The following ABCF2 variants were observed in gnomAD, a reference collection of about 807,000 sequenced individuals.
ABCF2 encodes the protein ATP binding cassette subfamily F member 2.
Under a neutral mutation model 76.9 loss-of-function variants are expected in ABCF2, and 37 were observed. The observed-to-expected ratio is 0.48, with a 90% CI of 0.37 to 0.63. ABCF2 has a LOEUF of 0.63. Ranked by LOEUF, ABCF2 falls within the 30% of genes least tolerant of loss-of-function variation. The probability of loss-of-function intolerance (pLI) is 0.00; values close to 1 mark genes in which losing one functional copy is unlikely to be tolerated. For missense variants in ABCF2, 524 were observed against 782.1 expected (o/e 0.67, Z 3.94); for synonymous variants, 299 against 283.7 (o/e 1.05, Z -0.54).
chr7:151,213,415 C>T lies in ABCF2; in HGVS notation c.*639G>A, dbSNP rs1802086948. 4.1e-6 allele frequency: 4 copies of T among 985,298 alleles called. No individual in the cohort carries two copies. Among genetic ancestry groups the T allele is most frequent in the Non-Finnish European group, 4.8e-6 (4 of 829,928 alleles). 61.0% of individuals were successfully genotyped at this position (985,298 alleles called of 1,614,324 possible). A position where few individuals can be genotyped will look rare whatever the true frequency, so the allele number is the denominator to read the frequency against. On this transcript the variant is annotated 3_prime_UTR_variant, in exon 15 of 15. Coordinates refer to ENST00000287844, the MANE Select transcript of ABCF2 (RefSeq NM_007189.3). ...GACTAGTCTTCAGTTCCCATCGACACACTGACGCTGGATCCAGCTCCTGCT... is the reference window on the plus strand; with the variant it reads ...GACTAGTCTTCAGTTCCCATCGACATACTGACGCTGGATCCAGCTCCTGCT...
At chr7:151,217,505 A>G (rs1802174235) in intron 11 of ABCF2, among the ~76,000 whole-genome samples, 1 of 152,236 alleles carries the variant, frequency 6.6e-6, no homozygotes, top group African/African-American at 2.4e-5. Flanking sequence ...GCTCTGATTG[A>G]AAATAGAAAC....
At chr7:151,217,656 T>C (rs1346290366) in intron 11 of ABCF2, among the ~76,000 whole-genome samples, 1 of 151,880 alleles carries the variant, frequency 6.6e-6, no homozygotes, top group Non-Finnish European at 1.5e-5. Context: ...AAAAATTAGC[T>C]GTGGCGTGTG....
In ABCF2 at chr7:151,215,570, A is replaced by T. The variant is rs775046442; in HGVS notation, c.1530+34T>A. Reference sequence around the variant, plus strand: ...CCCACCCAGCCACAGTCTGCCAGCTATCTGGCATCCTCACCACACCCTCCT... The same window carrying T: ...CCCACCCAGCCACAGTCTGCCAGCTTTCTGGCATCCTCACCACACCCTCCT... On this transcript the variant is annotated intron_variant, in intron 13 of 14. Coordinates refer to ENST00000287844, the MANE Select transcript of ABCF2 (RefSeq NM_007189.3). This position sits in a 1 kb window ranked among gnomAD's most constrained non-coding sequence, Gnocchi z 4.6. The T allele has an allele frequency of 1.9e-6, 3 of 1,612,174 alleles. No individual in the cohort carries two copies. Among genetic ancestry groups the T allele is most frequent in the Non-Finnish European group, 2.5e-6 (3 of 1,179,004 alleles).
chr7:151,218,253 A>G, intron 10 of ABCF2, 62 bp from the exon 11 acceptor site: 1 of 1,191,104 alleles, frequency 8.4e-7, no homozygotes, highest in Non-Finnish European at 1.2e-6. Flanking sequence ...TATGACCAGC[A>G]GACCAAGCCC....
intron 7 of ABCF2, among the ~76,000 whole-genome samples, chr7:151,219,368 C>G (rs1237884139): frequency 6.6e-6 from 1 of 152,218 alleles, no homozygotes; most frequent in East Asian, 1.9e-4. Flanking sequence ...TCAGCCCAGC[C>G]AGGGCCAGGC....
At chr7:151,220,754 G>A (rs567461821) in intron 7 of ABCF2, among the ~76,000 whole-genome samples, 5 of 152,356 alleles carry the variant, frequency 3.3e-5, no homozygotes, top group Admixed American at 2.6e-4. Flanking sequence ...TTGGGAGGCT[G>A]AGGAGGGCAG....
chr7:151,212,562 G>C lies in ABCF2; in HGVS notation c.*1492C>G. 1.1e-6 allele frequency: 1 copy of C among 929,214 alleles called. No homozygotes were observed. The highest frequency in any genetic ancestry group is 1.3e-6 in the Non-Finnish European group (1 of 778,822). 57.6% of individuals were successfully genotyped at this position (929,214 alleles called of 1,614,324 possible). On this transcript the variant is annotated 3_prime_UTR_variant, in exon 15 of 15. Transcript: ENST00000287844. The stretch of plus-strand genomic sequence containing the variant: ...TCATCAGGCTGGAGTGTAGCGGCAC[G>C]CTCTGCTCACTGCAGCCTCAACCTC...
chr7:151,217,567 G>A (rs369592072), intron 11 of ABCF2, among the ~76,000 whole-genome samples: 1 of 152,146 alleles, frequency 6.6e-6, no homozygotes, highest in Non-Finnish European at 1.5e-5. Context: ...TTGGGAGGCC[G>A]AGGTGGGCAG....
intron 7 of ABCF2, 134 bp from the exon 8 acceptor site, chr7:151,219,293 G>C: frequency 1.3e-6 from 1 of 750,292 alleles, no homozygotes; most frequent in Admixed American, 1.9e-5. Context: ...TAAGAAGAGA[G>C]GACGTGCATT....
At chr7:151,218,981 T>C (rs2150574049) in intron 8 of ABCF2, 83 bp downstream of exon 8, 2 of 1,610,708 alleles carry the variant, frequency 1.2e-6, no homozygotes, top group East Asian at 4.5e-5. Flanking sequence ...CCTCCATCAC[T>C]ACCGCTTCTC....
At position 151,221,356 on chromosome 7, in the gene ABCF2, C is replaced by T. The variant is rs193136446; in HGVS notation, c.921+222G>A. ...CTGGGACTACAGGCACCTGCCACCA[C>T]GCCTGGCTAATTTTTTTGTATTTTT... is the stretch of plus-strand genomic sequence containing the variant. On this transcript the variant is annotated intron_variant, in intron 7 of 14. Coordinates refer to ENST00000287844, the MANE Select transcript of ABCF2 (RefSeq NM_007189.3). Among the ~76,000 whole-genome samples the T allele has an allele frequency of 5.4e-3, 814 of 152,120 alleles. 3 individuals are homozygous for T. The highest frequency in any genetic ancestry group is 0.012 in the South Asian group (60 of 4,804).
Position 151,224,991 on chromosome 7 carries a change from G to A in ABCF2, c.155-3C>T. The A allele has an allele frequency of 1.5e-5, 25 of 1,613,770 alleles. No individual in the cohort carries two copies. The highest frequency in any genetic ancestry group is 1.9e-5 in the Non-Finnish European group (23 of 1,179,986). The stretch of plus-strand genomic sequence containing the variant: ...CTCCTTGGTCAGCAAATCTACTTCT[G>A]CGGATAGAAAAGCAGTTTGGGAAGA... On this transcript the variant is annotated splice_region_variant and splice_polypyrimidine_tract_variant and intron_variant, in intron 2 of 14. Transcript: ENST00000287844.
chr7:151,218,001 A>T (rs988165558), intron 11 of ABCF2, 80 bp downstream of exon 11: 1 of 1,051,462 alleles, frequency 9.5e-7, no homozygotes, highest in Admixed American at 1.9e-5. Context: ...CCAAAGTAGT[A>T]GCCCCTGCAT....
intron 10 of ABCF2, 81 bp downstream of exon 10, chr7:151,218,480 G>T: frequency 7.8e-7 from 1 of 1,278,640 alleles, no homozygotes; most frequent in African/African-American, 1.5e-5. Context: ...GGTGTGGTCA[G>T]CACAGAACAG....
intron 7 of ABCF2, among the ~76,000 whole-genome samples, chr7:151,219,678 C>T (rs1466103612): frequency 6.6e-6 from 1 of 152,192 alleles, no homozygotes; most frequent in Non-Finnish European, 1.5e-5. Context: ...TAACAAGTTA[C>T]AGGATAAACA....
At chr7:151,216,289 A>G (rs1802148764) in intron 11 of ABCF2, among the ~76,000 whole-genome samples, 1 of 152,246 alleles carries the variant, frequency 6.6e-6, no homozygotes, top group Admixed American at 6.5e-5. Context: ...CTGTATAACA[A>G]AGGACTTGGA....
chr7:151,220,086 C>T (rs374476712), intron 7 of ABCF2, among the ~76,000 whole-genome samples: 1 of 148,818 alleles, frequency 6.7e-6, no homozygotes. Context: ...GTGACAGAGA[C>T]AGACCCCATC....
chr7:151,215,009 G>C lies in ABCF2; in HGVS notation c.1604C>G (p.Pro535Arg). 6.2e-7 allele frequency: 1 copy of C among 1,614,202 alleles called. No individual in the cohort carries two copies. Among genetic ancestry groups the C allele is most frequent in the Non-Finnish European group, 8.5e-7 (1 of 1,180,036 alleles). The change falls in exon 14 of 15, where the codon CCC becomes CGC. Residue 535 changes from proline to arginine, a missense_variant. Pro to Arg is a moderately radical substitution (Grantham distance 103). Transcript: ENST00000287844. The surrounding 1 kb of genome is among the most constrained non-coding windows in gnomAD (Gnocchi z 4.6). ...VCLAWLAWQN[P>R]HMLFLDEPTN... is the part of the protein sequence containing the mutation. The stretch of plus-strand genomic sequence containing the variant: ...GGGTTCATCCAGGAAGAGCATGTGG[G>C]GGTTCTGCCAGGCCAGCCAGGCCAG...
In ABCF2 at chr7:151,215,820, G is replaced by C; in HGVS notation, c.1402-88C>G. The C allele has an allele frequency of 6.3e-7, 1 of 1,599,186 alleles. No homozygotes were observed. The highest frequency in any genetic ancestry group is 8.5e-7 in the Non-Finnish European group (1 of 1,169,694). ...AGGTAACTTCCTATTTCTATCCCAG[G>C]CACCTGTTCTGGGTTCAAGAAGCAG... On this transcript the variant is annotated intron_variant, in intron 12 of 14. Transcript: ENST00000287844. The surrounding 1 kb of genome is among the most constrained non-coding windows in gnomAD (Gnocchi z 4.6).
Sources: gnomAD v4.1 joint callset for allele counts (sites outside exome capture counted in the v4.1 genomes callset) on GRCh38, gnomAD v4.1.1 for gene constraint, Gnocchi (gnomAD v3.1) non-coding constraint, MANE v1.5 for transcripts, NCBI Gene and HGNC (gene_info 2026-07-23, HGNC 2026-07-21) for gene names.